Variants in CLEC16A observed in about 807,000 individuals in gnomAD.
CLEC16A encodes protein CLEC16A.
A neutral mutation model predicts 109.5 loss-of-function variants in CLEC16A; 51 were observed. The ratio of observed to expected loss-of-function variants is 0.47; its 90% CI spans 0.37 to 0.59. CLEC16A has a LOEUF of 0.59. CLEC16A is among the 20% of genes least tolerant of loss of function. CLEC16A has a pLI of 0.00. For synonymous variants in CLEC16A, 673 were observed against 564.2 expected, an observed-to-expected ratio of 1.19 and a Z score of -2.73; for missense variants, 1,339 against 1,394.0, an observed-to-expected ratio of 0.96 and a Z score of 0.63.
At chr16:10,951,267 C>T (rs890454254) in intron 1 of CLEC16A, among the ~76,000 whole-genome samples, 1 of 152,176 alleles carries the variant, frequency 6.6e-6, no homozygotes, top group African/African-American at 2.4e-5. Flanking sequence ...CTGCAGAGCT[C>T]CTGCTGGGGA....
rs529960052 is a variant in CLEC16A, at chr16:10,994,387, A to G, written c.1072-8687A>G. Among the ~76,000 whole-genome samples the G allele has an allele frequency of 2.0e-5, 3 of 152,302 alleles. No homozygotes were observed. In the East Asian group the frequency reaches 5.8e-4, roughly 29 times the overall value. ...TACATCACCCTGGGGTACATCACCC[A>G]TCTGGTGCTTGCTTGCCAATCACCT... is the stretch of plus-strand genomic sequence containing the variant. On this transcript the variant is annotated intron_variant, in intron 10 of 23. Transcript: ENST00000409790.
At chr16:11,128,954 A>G (rs1344010438) in intron 22 of CLEC16A, among the ~76,000 whole-genome samples, 1 of 152,150 alleles carries the variant, frequency 6.6e-6, no homozygotes, top group African/African-American at 2.4e-5. Flanking sequence ...CCCTGCCTCC[A>G]GCTTTTTGGT....
chr16:10,986,961 C>T (rs1280225485), intron 10 of CLEC16A, among the ~76,000 whole-genome samples: 1 of 151,910 alleles, frequency 6.6e-6, no homozygotes, highest in Non-Finnish European at 1.5e-5. Flanking sequence ...TCAAGTGATT[C>T]TCGTGCCTCA....
At chr16:11,003,733 T>C (rs1435183231) in intron 11 of CLEC16A, among the ~76,000 whole-genome samples, 1 of 152,210 alleles carries the variant, frequency 6.6e-6, no homozygotes, top group African/African-American at 2.4e-5. Context: ...AGCATGGAAT[T>C]ATTATTATCT....
chr16:11,167,548 C>G (rs1052297916), intron 23 of CLEC16A, among the ~76,000 whole-genome samples: 6 of 152,178 alleles, frequency 3.9e-5, no homozygotes, highest in Non-Finnish European at 8.8e-5. Context: ...GAGCCAAGAT[C>G]TCCCTGGGCA....
rs574760173 is a variant in CLEC16A, at chr16:11,011,928, A to G, written c.1304-8265A>G. Among the ~76,000 whole-genome samples the G allele has an allele frequency of 1.8e-3, 273 of 152,166 alleles. 2 individuals are homozygous for G. The highest frequency in any genetic ancestry group is 6.2e-3 in the African/African-American group (257 of 41,508). ...CAACGTCTACTCACTGATTTGCCCA[A>G]TCTTATAATGCACCTAAAAGCTTCA... is the stretch of plus-strand genomic sequence containing the variant. On this transcript the variant is annotated intron_variant, in intron 11 of 23. Transcript: ENST00000409790.
chr16:10,986,806 T>C (rs1055072251), intron 10 of CLEC16A, among the ~76,000 whole-genome samples: 3 of 152,016 alleles, frequency 2.0e-5, no homozygotes, highest in African/African-American at 4.8e-5. Flanking sequence ...TTTATCCATT[T>C]ATCCATCATT....
At chr16:11,132,365 G>T (rs1002324004) in intron 22 of CLEC16A, among the ~76,000 whole-genome samples, 1 of 151,838 alleles carries the variant, frequency 6.6e-6, no homozygotes, top group Non-Finnish European at 1.5e-5. Context: ...GCTTCTTTCA[G>T]TTTGCATCAT....
At chr16:11,148,711 CATCCCCTG>C (rs2054170097) in intron 22 of CLEC16A, among the ~76,000 whole-genome samples, 2 of 152,216 alleles carry the variant, frequency 1.3e-5, no homozygotes, top group African/African-American at 4.8e-5. Flanking sequence ...GCCAGTGCTC[CATCCCCTG>C]TATGGCCAGG....
intron 22 of CLEC16A, among the ~76,000 whole-genome samples, chr16:11,164,690 C>G (rs1486629509): frequency 6.6e-6 from 1 of 152,266 alleles, no homozygotes; most frequent in Non-Finnish European, 1.5e-5. Flanking sequence ...CTGCTCAACT[C>G]TGCCGCTGAT....
intron 19 of CLEC16A, among the ~76,000 whole-genome samples, chr16:11,075,171 A>G (rs1432292916): frequency 6.6e-6 from 1 of 152,224 alleles, no homozygotes; most frequent in Non-Finnish European, 1.5e-5. Context: ...CTTCCCACAC[A>G]TTTGGAAATG....
At chr16:10,956,175 T>C (rs2041975487) in intron 1 of CLEC16A, among the ~76,000 whole-genome samples, 2 of 152,252 alleles carry the variant, frequency 1.3e-5, no homozygotes, top group Admixed American at 1.3e-4. Flanking sequence ...GGATTTGTGT[T>C]TTTTGAGGGC....
At chr16:11,065,132 G>A (rs2048693874) in intron 19 of CLEC16A, among the ~76,000 whole-genome samples, 1 of 152,238 alleles carries the variant, frequency 6.6e-6, no homozygotes, top group African/African-American at 2.4e-5. Context: ...ACTCACTCCA[G>A]TGTGCCTCCT....
At chr16:11,133,086 T>C (rs1051486305) in intron 22 of CLEC16A, among the ~76,000 whole-genome samples, 34 of 152,276 alleles carry the variant, frequency 2.2e-4, no homozygotes, top group African/African-American at 7.5e-4. Context: ...GGGCTCCAGC[T>C]GTCTTGTGGT....
chr16:11,166,250 C>T (rs972165683), intron 22 of CLEC16A, 138 bp from the exon 23 acceptor site: 1 of 899,948 alleles, frequency 1.1e-6, no homozygotes, highest in African/African-American at 1.7e-5. Context: ...GGGCCACGAC[C>T]AGTGAGGTCA....
chr16:10,990,374 G>A (rs535759841), intron 10 of CLEC16A, among the ~76,000 whole-genome samples: 48 of 152,338 alleles, frequency 3.2e-4, no homozygotes, highest in Admixed American at 2.1e-3. Context: ...GCGTATCGTT[G>A]TCTGAGAAAC....
At chr16:11,084,999 TG>T (rs993948912) in intron 19 of CLEC16A, among the ~76,000 whole-genome samples, 3 of 152,220 alleles carry the variant, frequency 2.0e-5, no homozygotes, top group African/African-American at 7.2e-5. Flanking sequence ...TCCTTGGCCC[TG>T]GATATAAATC....
chr16:11,085,356 G>T (rs963866942), intron 19 of CLEC16A, among the ~76,000 whole-genome samples: 1 of 152,262 alleles, frequency 6.6e-6, no homozygotes, highest in Non-Finnish European at 1.5e-5. Context: ...GAAGGAGAAA[G>T]CACGCTTGCT....
intron 16 of CLEC16A, among the ~76,000 whole-genome samples, chr16:11,044,721 G>A (rs1402170409): frequency 4.0e-5 from 6 of 151,720 alleles, no homozygotes; most frequent in Non-Finnish European, 5.9e-5. Flanking sequence ...ACCTGAGGTC[G>A]GGAGTTTAAG....
Sources: gnomAD v4.1 joint callset for allele counts (sites outside exome capture counted in the v4.1 genomes callset) on GRCh38, gnomAD v4.1.1 for gene constraint, MANE v1.5 for transcripts, NCBI Gene and HGNC (gene_info 2026-07-23, HGNC 2026-07-21) for gene names.